The following RYR2 variants were observed in gnomAD, a reference collection of about 807,000 sequenced individuals.
RYR2 encodes the protein ryanodine receptor 2, also known as cardiac muscle ryanodine receptor-calcium release channel.
In RYR2, 227 loss-of-function variants were observed where a neutral mutation model predicts 601.1. That is an observed-to-expected ratio of 0.38 (90% CI 0.34 to 0.42). The LOEUF (loss-of-function observed/expected upper bound fraction) is 0.42, where lower values mean the gene tolerates loss of function less well. Among genes scored for constraint, RYR2 ranks in the 10% least tolerant of loss-of-function variants. RYR2 has a pLI of 1.00. For missense variants in RYR2, 4,646 were observed against 6,156.5 expected (o/e 0.75, Z 8.21); for synonymous variants, 2,223 against 2,175.1 (o/e 1.02, Z -0.61).
At chr1:237,220,062 C>T (rs768954969) in intron 1 of RYR2, among the ~76,000 whole-genome samples, 1 of 152,136 alleles carries the variant, frequency 6.6e-6, no homozygotes, top group Non-Finnish European at 1.5e-5. Flanking sequence ...CTCTGATGGC[C>T]AGTTTTAGGT....
chr1:237,676,431 G>A (rs776931660), intron 60 of RYR2, among the ~76,000 whole-genome samples: 1 of 152,090 alleles, frequency 6.6e-6, no homozygotes, highest in Non-Finnish European at 1.5e-5. Flanking sequence ...ACAGGGTAGA[G>A]GGCCTTATAA....
intron 100 of RYR2, among the ~76,000 whole-genome samples, chr1:237,811,481 A>T (rs919803996): frequency 5.9e-5 from 9 of 152,190 alleles, no homozygotes; most frequent in African/African-American, 1.9e-4. Flanking sequence ...CAAGATTGTC[A>T]TTCTTTAGCT....
At chr1:237,592,031 A>G (rs892402891) in intron 32 of RYR2, among the ~76,000 whole-genome samples, 178 bp downstream of exon 32, 14 of 152,204 alleles carry the variant, frequency 9.2e-5, no homozygotes, top group Admixed American at 7.9e-4. Flanking sequence ...TATGATGGAT[A>G]TTATGCAATA....
At chr1:237,082,716 A>C (rs1665875542) in intron 1 of RYR2, among the ~76,000 whole-genome samples, 1 of 151,590 alleles carries the variant, frequency 6.6e-6, no homozygotes, top group Admixed American at 6.6e-5. Flanking sequence ...AGTTTCTTCT[A>C]TATGTAACAA....
chr1:237,597,739 G>C (rs1234036160), intron 34 of RYR2, among the ~76,000 whole-genome samples: 1 of 152,036 alleles, frequency 6.6e-6, no homozygotes, highest in African/African-American at 2.4e-5. Flanking sequence ...CCACAAAAAG[G>C]TATCAAACCA....
At chr1:237,600,758 C>T (rs936298402) in intron 34 of RYR2, among the ~76,000 whole-genome samples, 1 of 151,916 alleles carries the variant, frequency 6.6e-6, no homozygotes, top group African/African-American at 2.4e-5. Context: ...ATAGTAAAAA[C>T]AATCTGATTT....
In RYR2 at chr1:237,503,425, A is replaced by C; in HGVS notation, c.2533A>C (p.Thr845Pro). 1 of 1,613,948 alleles carries C rather than the reference A, an allele frequency of 6.2e-7. No individual in the cohort carries two copies. The highest frequency in any genetic ancestry group is 8.5e-7 in the Non-Finnish European group (1 of 1,179,890). ...CAGCCGAGAGTACAAGCAAGAAAGA[A>C]CTTACACACGCGACCTGCTGGGCCC... ...EHSREYKQER[T>P]YTRDLLGPTV... The change falls in exon 22 of 105, where the codon ACT becomes CCT. Residue 845 changes from threonine to proline, a missense_variant. Around this residue, in one of 17 missense-constraint regions of RYR2, gnomAD observed 1,807 missense variants for 2,088.1 expected, o/e 0.87. Coordinates refer to ENST00000366574, the MANE Select transcript of RYR2 (RefSeq NM_001035.3).
chr1:237,256,963 T>C (rs1490399167), intron 1 of RYR2, among the ~76,000 whole-genome samples: 1 of 152,184 alleles, frequency 6.6e-6, no homozygotes, highest in East Asian at 1.9e-4. Context: ...CACTCCTCCA[T>C]TCAAACCAAT....
intron 43 of RYR2, among the ~76,000 whole-genome samples, chr1:237,634,459 G>C (rs543841530): frequency 1.6e-4 from 25 of 152,212 alleles, no homozygotes; most frequent in Non-Finnish European, 3.5e-4. Context: ...CCAGGTGTAG[G>C]GGGGAGTGGT....
chr1:237,664,849 G>A (rs1185107981), intron 56 of RYR2, among the ~76,000 whole-genome samples: 3 of 152,148 alleles, frequency 2.0e-5, no homozygotes, highest in Admixed American at 1.3e-4. Flanking sequence ...TAATGACTTT[G>A]ATTTTATATG....
At chr1:237,224,586 A>G (rs560187826) in intron 1 of RYR2, among the ~76,000 whole-genome samples, 2 of 152,326 alleles carry the variant, frequency 1.3e-5, no homozygotes, top group African/African-American at 4.8e-5. Context: ...GGCTGGGCAC[A>G]GTGGCTCATA....
Position 237,551,267 on chromosome 1 carries a change from C to T in RYR2, c.3214+576C>T, listed in dbSNP as rs568909140. 3.9e-5 allele frequency among the ~76,000 whole-genome samples: 6 copies of T among 152,246 alleles called. No homozygotes were observed. The South Asian group carries it at 6.2e-4, about 16-fold the overall frequency. ...AGTTTAGGCCGGGCATGGTGGCTCA[C>T]GCCTGTAATCCCAGCAGTTTGGGAG... On this transcript the variant is annotated intron_variant, in intron 27 of 104. Transcript: ENST00000366574.
chr1:237,544,300 C>CAT (rs1669582203), intron 25 of RYR2, among the ~76,000 whole-genome samples: 1 of 151,964 alleles, frequency 6.6e-6, no homozygotes, highest in African/African-American at 2.4e-5. Context: ...GCTACTTATA[C>CAT]CTGTTCAGTA....
rs369774984 is a variant in RYR2, at chr1:237,639,180, A to G, written c.7094A>G (p.Asn2365Ser). 19 of 1,613,492 alleles carry G rather than the reference A, an allele frequency of 1.2e-5. No individual in the cohort carries two copies. The African/African-American group carries it at 2.4e-4, about 20-fold the overall frequency. ...EDPSRDGPSP[N>S]SGSSKTLDTE... ...CCTTCCCGAGATGGTCCCTCACCAA[A>G]TAGCGGATCCAGTAAAACACTGTAG... The change falls in exon 46 of 105, where the codon AAT becomes AGT. Residue 2365 changes from asparagine (N) to serine (S), a missense_variant. Around this residue, in one of 17 missense-constraint regions of RYR2, gnomAD observed 1,497 missense variants for 1,842.6 expected, o/e 0.81. Transcript: ENST00000366574.
intron 2 of RYR2, among the ~76,000 whole-genome samples, chr1:237,290,208 CA>C (rs1238903731): frequency 4.6e-5 from 7 of 152,188 alleles, no homozygotes; most frequent in Admixed American, 1.3e-4. Context: ...ATCTGTGCAA[CA>C]ACATGGATGC....
chr1:237,320,792 A>T lies in RYR2; in HGVS notation c.169-10086A>T, dbSNP rs147881918. Reference sequence around the variant, plus strand: ...TCCATCCAGACAGGATCACAGTATTATTGCCTTCCAGCACTTTTGCTCCTG... The same window carrying T: ...TCCATCCAGACAGGATCACAGTATTTTTGCCTTCCAGCACTTTTGCTCCTG... On this transcript the variant is annotated intron_variant, in intron 2 of 104. Transcript: ENST00000366574. Among the ~76,000 whole-genome samples the T allele has an allele frequency of 2.9e-3, 435 of 152,236 alleles. 2 individuals carry two copies. The highest frequency in any genetic ancestry group is 9.1e-3 in the African/African-American group (377 of 41,548).
At chr1:237,466,549 A>C (rs1440344080) in intron 16 of RYR2, among the ~76,000 whole-genome samples, 2 of 152,062 alleles carry the variant, frequency 1.3e-5, no homozygotes, top group Non-Finnish European at 2.9e-5. Flanking sequence ...TATTTAAAAA[A>C]TAGTCCTTGA....
chr1:237,792,081 T>C (rs1658439335), intron 93 of RYR2, 24 bp from the exon 94 acceptor site: 2 of 1,534,666 alleles, frequency 1.3e-6, no homozygotes, highest in Non-Finnish European at 1.8e-6. Context: ...GCAAACTGAC[T>C]CTACTTTAAA....
At chr1:237,487,611 C>G (rs542575256) in intron 17 of RYR2, among the ~76,000 whole-genome samples, 1 of 150,034 alleles carries the variant, frequency 6.7e-6, no homozygotes, top group Non-Finnish European at 1.5e-5. Context: ...TAGTCCCAGC[C>G]ACTCAGGAGG....
Sources: gnomAD v4.1 joint callset for allele counts (sites outside exome capture counted in the v4.1 genomes callset) on GRCh38, gnomAD v4.1.1 for gene constraint, gnomAD v4.1.1 regional missense constraint, MANE v1.5 for transcripts, NCBI Gene and HGNC (gene_info 2026-07-23, HGNC 2026-07-21) for gene names.